MCTP2: variants seen among roughly 807,000 people sequenced by gnomAD.
MCTP2 encodes the protein multiple C2 and transmembrane domain containing 2.
In MCTP2, 132 loss-of-function variants were observed where a neutral mutation model predicts 111.6. The observed-to-expected ratio is 1.18, with a 90% CI of 1.03 to 1.37. The LOEUF is 1.37. Ranked by LOEUF, MCTP2 falls within the 40% of genes most tolerant of loss-of-function variation. The pLI is 0.00. For missense variants in MCTP2, 1,183 were observed against 1,067.9 expected, an observed-to-expected ratio of 1.11 and a Z score of -1.50; for synonymous variants, 395 against 387.7, an observed-to-expected ratio of 1.02 and a Z score of -0.22.
intron 17 of MCTP2, chr15:94,402,692 TCTCATTTGTA>T: frequency 1.4e-6 from 2 of 1,473,000 alleles, no homozygotes; most frequent in Non-Finnish European, 1.8e-6. Context: ...GGGCATTTTC[TCTCATTTGTA>T]AAGGGACTTG....
At chr15:94,291,030 T>C (rs1353012414) in intron 1 of MCTP2, among the ~76,000 whole-genome samples, 1 of 152,200 alleles carries the variant, frequency 6.6e-6, no homozygotes. Flanking sequence ...CAACTGAATC[T>C]AATGGACATT....
At chr15:94,305,429 G>C (rs1044895077) in intron 2 of MCTP2, among the ~76,000 whole-genome samples, 1 of 152,122 alleles carries the variant, frequency 6.6e-6, no homozygotes, top group Non-Finnish European at 1.5e-5. Context: ...GGAGGTAAGA[G>C]CACCATAGTC....
chr15:94,304,388 G>T (rs891874645), intron 2 of MCTP2, among the ~76,000 whole-genome samples: 1 of 152,220 alleles, frequency 6.6e-6, no homozygotes, highest in Admixed American at 6.5e-5. Flanking sequence ...GTTGCAGTGG[G>T]CTGTGATTGT....
At chr15:94,247,112 C>T (rs1003795946) in intron 1 of MCTP2, among the ~76,000 whole-genome samples, 3 of 152,090 alleles carry the variant, frequency 2.0e-5, no homozygotes, top group African/African-American at 4.8e-5. Context: ...TTTGTAGATT[C>T]ACAGGCCAAA....
chr15:94,341,905 G>A (rs1432640315), intron 7 of MCTP2: 2 of 152,100 alleles, frequency 1.3e-5, no homozygotes, highest in Non-Finnish European at 2.9e-5. Context: ...GAAAATAAAA[G>A]TATTTTTTCT....
At chr15:94,288,303 A>G (rs1253271236) in intron 1 of MCTP2, among the ~76,000 whole-genome samples, 1 of 152,220 alleles carries the variant, frequency 6.6e-6, no homozygotes, top group Non-Finnish European at 1.5e-5. Flanking sequence ...TTGGGAAATG[A>G]TCAAATACAT....
At chr15:94,244,225 T>C (rs562990919) in intron 1 of MCTP2, among the ~76,000 whole-genome samples, 20 of 135,064 alleles carry the variant, frequency 1.5e-4, no homozygotes, top group Non-Finnish European at 2.5e-4. Flanking sequence ...CATATGTGTA[T>C]ATATTTATAT....
chr15:94,245,770 G>C (rs1490076463), intron 1 of MCTP2, among the ~76,000 whole-genome samples: 1 of 149,776 alleles, frequency 6.7e-6, no homozygotes. Context: ...GAAGGCTTTG[G>C]AAGGTGAAAC....
intron 1 of MCTP2, among the ~76,000 whole-genome samples, chr15:94,269,615 T>C (rs1356355635): frequency 1.3e-5 from 2 of 152,222 alleles, no homozygotes; most frequent in Non-Finnish European, 2.9e-5. Context: ...TATATGTGAT[T>C]AGCCATTGCT....
At position 94,480,622 on chromosome 15, in the gene MCTP2, A is replaced by G. The variant is rs778308704; in HGVS notation, c.*1588A>G. 4.6e-5 allele frequency: 7 copies of G among 152,258 alleles called. No homozygotes were observed. The highest frequency in any genetic ancestry group is 2.1e-4 in the South Asian group (1 of 4,832). 9.4% of individuals were successfully genotyped at this position (152,258 alleles called of 1,614,324 possible). ...CAGTTACTCAATCTTCTGTGTAAACAATGCCTCATTGTCTTGCTTCTAACT... is the reference window on the plus strand; with the variant it reads ...CAGTTACTCAATCTTCTGTGTAAACGATGCCTCATTGTCTTGCTTCTAACT... On this transcript the variant is annotated 3_prime_UTR_variant, in exon 23 of 23. Coordinates refer to ENST00000357742, the MANE Select transcript of MCTP2 (RefSeq NM_001385001.1).
intron 4 of MCTP2, among the ~76,000 whole-genome samples, chr15:94,319,704 G>C (rs1394774457): frequency 2.0e-5 from 3 of 152,136 alleles, no homozygotes; most frequent in African/African-American, 4.8e-5. Context: ...TTTTCCTGGG[G>C]CTTTTTCTCA....
At chr15:94,294,941 C>CTTTTTTTTTTTTTTTTTTTTTTTTTTTTT (rs71133001) in intron 1 of MCTP2, among the ~76,000 whole-genome samples, 1 of 73,988 alleles carries the variant, frequency 1.4e-5, no homozygotes, top group African/African-American at 5.7e-5. Flanking sequence ...TTTTCTTTTC[C>CTTTTTTTTTTTTTTTTTTTTTTTTTTTTT]TTTTTTTTTT....
intron 1 of MCTP2, among the ~76,000 whole-genome samples, chr15:94,272,883 C>T (rs182918431): frequency 1.3e-5 from 2 of 152,186 alleles, no homozygotes; most frequent in East Asian, 1.9e-4. Flanking sequence ...TACCATGCCT[C>T]CAATTGTCAT....
At chr15:94,323,239 T>C (rs2076706683) in intron 4 of MCTP2, among the ~76,000 whole-genome samples, 1 of 152,086 alleles carries the variant, frequency 6.6e-6, no homozygotes, top group Non-Finnish European at 1.5e-5. Flanking sequence ...AGCAATGGTG[T>C]TGGGAAAGGG....
At chr15:94,232,917 C>A (rs2070288683) in intron 1 of MCTP2, among the ~76,000 whole-genome samples, 1 of 152,130 alleles carries the variant, frequency 6.6e-6, no homozygotes, top group Non-Finnish European at 1.5e-5. Flanking sequence ...TTTGTCTTGT[C>A]TATGAAATCT....
chr15:94,381,501 G>T (rs1018517447), intron 12 of MCTP2, among the ~76,000 whole-genome samples: 7 of 152,148 alleles, frequency 4.6e-5, no homozygotes, highest in Non-Finnish European at 7.4e-5. Flanking sequence ...GAGAGAGCGG[G>T]AGCCACAGAA....
At chr15:94,234,060 G>C (rs1017113285) in intron 1 of MCTP2, among the ~76,000 whole-genome samples, 1 of 152,072 alleles carries the variant, frequency 6.6e-6, no homozygotes, top group African/African-American at 2.4e-5. Flanking sequence ...TCACGTGGAG[G>C]TGAAACAGCC....
At chr15:94,409,894 CCTCT>C (rs1225731773) in intron 17 of MCTP2, among the ~76,000 whole-genome samples, 9 of 145,916 alleles carry the variant, frequency 6.2e-5, no homozygotes, top group East Asian at 4.1e-4. Flanking sequence ...CCCCTCCCTC[CCTCT>C]CTCTCTCTCT....
At chr15:94,433,022 A>G (rs536665336) in intron 17 of MCTP2, among the ~76,000 whole-genome samples, 22 of 152,208 alleles carry the variant, frequency 1.4e-4, no homozygotes, top group African/African-American at 4.8e-4. Context: ...GACATGATAA[A>G]TTTTTTTGTG....
Sources: allele counts gnomAD v4.1 joint callset (sites outside exome capture counted in the v4.1 genomes callset), GRCh38; gene constraint gnomAD v4.1.1; transcripts MANE v1.5; gene names NCBI Gene and HGNC (gene_info 2026-07-23, HGNC 2026-07-21).